CCDC33: variants seen among roughly 807,000 people sequenced by gnomAD.
The protein encoded by CCDC33 is coiled-coil domain containing 33, also known as coiled-coil domain-containing protein 33.
A neutral mutation model predicts 91.9 loss-of-function variants in CCDC33; 94 were observed. The observed-to-expected ratio is 1.02, with a 90% CI of 0.87 to 1.21. CCDC33 has a LOEUF of 1.21. Among genes scored for constraint, CCDC33 ranks in the 50% most tolerant of loss-of-function variants. The pLI, the probability that CCDC33 is intolerant of heterozygous loss-of-function variation, is 0.00. For missense variants in CCDC33, 940 were observed against 935.5 expected, an observed-to-expected ratio of 1.00 and a Z score of -0.06; for synonymous variants, 396 against 374.5, an observed-to-expected ratio of 1.06 and a Z score of -0.66.
intron 1 of CCDC33, among the ~76,000 whole-genome samples, chr15:74,238,092 C>T (rs569774908): frequency 6.6e-6 from 1 of 152,018 alleles, no homozygotes; most frequent in South Asian, 2.1e-4. Context: ...CACGCCACTG[C>T]CCTCCAGCCT....
chr15:74,307,371 A>G (rs749795280), intron 11 of CCDC33, among the ~76,000 whole-genome samples: 46 of 152,138 alleles, frequency 3.0e-4, no homozygotes, highest in Non-Finnish European at 5.4e-4. Flanking sequence ...TCACAATCTC[A>G]TGTAATCCTC....
chr15:74,271,747 C>T lies in CCDC33; in HGVS notation c.591C>T (p.Asn197=), dbSNP rs370100083. The T allele has an allele frequency of 6.8e-6, 11 of 1,613,952 alleles. No individual in the cohort carries two copies. The highest frequency in any genetic ancestry group is 9.3e-6 in the Non-Finnish European group (11 of 1,179,854). The part of the protein sequence containing the change: ...GVNEPLANNP[N]PIVVIARVVP... ...ACGAGCCCCTGGCCAACAACCCCAACCCCATAGTGGTGATTGCCCGGGTCG... is the reference window on the plus strand; with the variant it reads ...ACGAGCCCCTGGCCAACAACCCCAATCCCATAGTGGTGATTGCCCGGGTCG... The change falls in exon 6 of 19, where the codon AAC becomes AAT. Residue 197 remains asparagine (N), a synonymous_variant. Transcript: ENST00000398814.
At chr15:74,223,774 G>GCACACACACACACA (rs34461827) in intron 2 of CCDC33, among the ~76,000 whole-genome samples, 1 of 145,506 alleles carries the variant, frequency 6.9e-6, no homozygotes, top group South Asian at 2.2e-4. Context: ...ACGCAAGCAT[G>GCACACACACACACA]CACACACACA....
At chr15:74,296,142 T>C (rs1215715034) in intron 11 of CCDC33, among the ~76,000 whole-genome samples, 194 bp downstream of exon 11, 1 of 152,236 alleles carries the variant, frequency 6.6e-6, no homozygotes, top group Non-Finnish European at 1.5e-5. Context: ...GCAGGGTCTC[T>C]TCACCTTTTG....
intron 2 of CCDC33, among the ~76,000 whole-genome samples, chr15:74,228,968 T>C (rs2074887071): frequency 6.6e-6 from 1 of 152,122 alleles, no homozygotes; most frequent in Non-Finnish European, 1.5e-5. Context: ...CGGGCTGACT[T>C]GGCCTGAGTG....
At chr15:74,262,721 A>T in intron 3 of CCDC33, 148 bp downstream of exon 3, 1 of 790,268 alleles carries the variant, frequency 1.3e-6, no homozygotes, top group Non-Finnish European at 1.9e-6. Context: ...AGAAAAAATC[A>T]TAATACTGTC....
intron 11 of CCDC33, chr15:74,318,705 G>A (rs765959419): frequency 9.6e-6 from 7 of 731,540 alleles, no homozygotes; most frequent in East Asian, 5.4e-5. Flanking sequence ...GGGTTGGCTC[G>A]CCTAGCAGCA....
At chr15:74,269,307 C>T (rs2076252285) in intron 5 of CCDC33, among the ~76,000 whole-genome samples, 1 of 151,690 alleles carries the variant, frequency 6.6e-6, no homozygotes, top group African/African-American at 2.4e-5. Context: ...CTATCCTTCC[C>T]ACCCCCCTAC....
chr15:74,267,475 C>A (rs2076197196), intron 4 of CCDC33, among the ~76,000 whole-genome samples: 1 of 151,912 alleles, frequency 6.6e-6, no homozygotes, highest in African/African-American at 2.4e-5. Flanking sequence ...CCAGGCCAGA[C>A]CCCTGCCTGT....
At chr15:74,222,746 G>A (rs1193257602) in intron 2 of CCDC33, among the ~76,000 whole-genome samples, 1 of 151,408 alleles carries the variant, frequency 6.6e-6, no homozygotes, top group Non-Finnish European at 1.5e-5. Flanking sequence ...TGTTGTGAAC[G>A]GCTTTCCTAG....
intron 2 of CCDC33, among the ~76,000 whole-genome samples, chr15:74,247,435 TAC>T (rs1308721120): frequency 6.6e-6 from 1 of 151,936 alleles, no homozygotes; most frequent in South Asian, 2.1e-4. Flanking sequence ...GTGTCATATA[TAC>T]ACACACAATT....
At chr15:74,292,820 A>T (rs1355973959) in intron 10 of CCDC33, among the ~76,000 whole-genome samples, 2 of 152,176 alleles carry the variant, frequency 1.3e-5, no homozygotes, top group Non-Finnish European at 2.9e-5. Context: ...TGGGCAGGAT[A>T]GACTTAAAGT....
chr15:74,298,589 G>C (rs760521978), intron 11 of CCDC33, among the ~76,000 whole-genome samples: 5 of 152,110 alleles, frequency 3.3e-5, no homozygotes, highest in Non-Finnish European at 5.9e-5. Context: ...ATCCAGGCTG[G>C]AGTGCAATGG....
intron 2 of CCDC33, among the ~76,000 whole-genome samples, chr15:74,245,257 A>G (rs1369061092): frequency 6.6e-6 from 1 of 152,216 alleles, no homozygotes; most frequent in Non-Finnish European, 1.5e-5. Context: ...ACTGAGGCCA[A>G]CACCTGGTTA....
chr15:74,209,779 A>AATG (rs1382986402), intron 2 of CCDC33: 3 of 266,562 alleles, frequency 1.1e-5, no homozygotes, highest in African/African-American at 6.6e-5. Context: ...TGGGGAAGGA[A>AATG]ATGGTGCTCA....
At chr15:74,208,731 A>T in intron 1 of CCDC33, 2 of 987,580 alleles carry the variant, frequency 2.0e-6, no homozygotes, top group Non-Finnish European at 2.4e-6. Context: ...CGCACACCCC[A>T]TGTGCCTTCT....
At position 74,333,741 on chromosome 15, in the gene CCDC33, C is replaced by T. The variant is rs2060492522; in HGVS notation, c.1939-140C>T. The stretch of plus-strand genomic sequence containing the variant: ...CTGAACTTCCAGAAGAGGGTTCGGC[C>T]CAGGTCTGACGCTCTGCCTCGGGAG... On this transcript the variant is annotated intron_variant, in intron 16 of 18. Coordinates refer to ENST00000398814, the MANE Select transcript of CCDC33 (RefSeq NM_025055.5). 2.9e-5 allele frequency: 18 copies of T among 625,850 alleles called. No homozygotes were observed. In the East Asian group the frequency reaches 5.0e-4, roughly 17 times the overall value. The allele number at this position is 625,850 out of a possible 1,614,324, so 38.8% of individuals were successfully genotyped here.
At chr15:74,326,029 C>G (rs2060303237) in intron 11 of CCDC33, among the ~76,000 whole-genome samples, 1 of 152,132 alleles carries the variant, frequency 6.6e-6, no homozygotes, top group Admixed American at 6.6e-5. Context: ...TAATAAGAAC[C>G]ATTAAAAGTG....
At chr15:74,263,796 G>A (rs574919595) in intron 3 of CCDC33, among the ~76,000 whole-genome samples, 2 of 152,196 alleles carry the variant, frequency 1.3e-5, no homozygotes, top group African/African-American at 2.4e-5. Flanking sequence ...GTGCGCGTGG[G>A]TGTGTCTAGC....
Sources: gnomAD v4.1 joint callset for allele counts (sites outside exome capture counted in the v4.1 genomes callset) on GRCh38, gnomAD v4.1.1 for gene constraint, MANE v1.5 for transcripts, NCBI Gene and HGNC (gene_info 2026-07-23, HGNC 2026-07-21) for gene names.